The following SPECC1L variants were observed in gnomAD, a reference collection of about 807,000 sequenced individuals.
The protein encoded by SPECC1L is sperm antigen with calponin homology and coiled-coil domains 1 like, also known as cytospin-A.
SPECC1L carries 40 observed loss-of-function variants against 116.8 expected under a neutral mutation model. That is an observed-to-expected ratio of 0.34 (90% CI 0.27 to 0.45). SPECC1L has a LOEUF of 0.45. SPECC1L is among the 20% of genes least tolerant of loss of function. The pLI is 1.00. For missense variants in SPECC1L, 1,110 were observed against 1,373.6 expected, an observed-to-expected ratio of 0.81 and a Z score of 3.03; for synonymous variants, 504 against 500.6, an observed-to-expected ratio of 1.01 and a Z score of -0.09.
At chr22:24,329,526 G>A (rs1292804180) in intron 7 of SPECC1L, among the ~76,000 whole-genome samples, 1 of 152,212 alleles carries the variant, frequency 6.6e-6, no homozygotes, top group African/African-American at 2.4e-5. Flanking sequence ...AAGCTACTCA[G>A]TCGTTTGGGT....
intron 2 of SPECC1L, among the ~76,000 whole-genome samples, chr22:24,297,318 G>A (rs28491244): frequency 4.0e-5 from 6 of 151,356 alleles, no homozygotes; most frequent in East Asian, 1.9e-4. Flanking sequence ...TACATAAAGG[G>A]TTTTTTTAAA....
intron 14 of SPECC1L, among the ~76,000 whole-genome samples, chr22:24,400,073 A>T (rs2042443480): frequency 6.6e-6 from 1 of 152,162 alleles, no homozygotes; most frequent in Non-Finnish European, 1.5e-5. Context: ...AGCCTCTTTT[A>T]TTTGAGTAAA....
intron 2 of SPECC1L, among the ~76,000 whole-genome samples, chr22:24,281,963 A>G (rs1300508812): frequency 6.6e-6 from 1 of 152,236 alleles, no homozygotes; most frequent in Non-Finnish European, 1.5e-5. Context: ...TGATTACTCA[A>G]ATCAGTCTCC....
intron 14 of SPECC1L, among the ~76,000 whole-genome samples, chr22:24,381,680 C>A (rs539099359): frequency 6.6e-6 from 1 of 151,964 alleles, no homozygotes; most frequent in East Asian, 1.9e-4. Context: ...ATCAGGAGAT[C>A]GAGACCATCC....
At chr22:24,348,699 A>G (rs979525595) in intron 11 of SPECC1L, among the ~76,000 whole-genome samples, 1 of 152,186 alleles carries the variant, frequency 6.6e-6, no homozygotes, top group Admixed American at 6.5e-5. Flanking sequence ...CCCACAAAGG[A>G]TTTACATAGG....
chr22:24,315,695 A>C (rs974659998), intron 4 of SPECC1L, among the ~76,000 whole-genome samples: 15 of 152,254 alleles, frequency 9.9e-5, no homozygotes, highest in Admixed American at 3.3e-4. Context: ...TAGCTGCCCC[A>C]GTATGGCTTT....
intron 11 of SPECC1L, among the ~76,000 whole-genome samples, chr22:24,351,951 T>C (rs1237568304): frequency 6.6e-6 from 1 of 151,878 alleles, no homozygotes; most frequent in Non-Finnish European, 1.5e-5. Context: ...ATTGCGCCAC[T>C]GCACTCCAGC....
At position 24,322,156 on chromosome 22, in the gene SPECC1L, C is replaced by T. The variant is rs757163782; in HGVS notation, c.1176C>T (p.Ser392=). The change falls in exon 5 of 17, where the codon TCC becomes TCT. Residue 392 remains serine, a synonymous_variant. Transcript: ENST00000314328. ...GCAGCGGGAATGCCAGTGAAGTGTC[C>T]GTGGCTTGCCTGACTGAACGGATAC... The part of the protein sequence containing the change: ...KGSSGNASEV[S]VACLTERIHQ... The T allele has an allele frequency of 5.6e-6, 9 of 1,613,718 alleles. No individual in the cohort carries two copies. Among genetic ancestry groups the T allele is most frequent in the South Asian group, 1.1e-5 (1 of 91,072 alleles).
At chr22:24,401,464 T>G (rs2146779293) in intron 14 of SPECC1L, among the ~76,000 whole-genome samples, 1 of 152,388 alleles carries the variant, frequency 6.6e-6, no homozygotes, top group East Asian at 1.9e-4. Context: ...CTGCCTCTGA[T>G]AACGAGGTCA....
At chr22:24,347,480 A>G (rs535751414) in intron 11 of SPECC1L, among the ~76,000 whole-genome samples, 1 of 152,316 alleles carries the variant, frequency 6.6e-6, no homozygotes, top group African/African-American at 2.4e-5. Flanking sequence ...AGATACCAAA[A>G]ATGAGGCTTA....
chr22:24,414,147 CAG>C (rs1223491790), intron 16 of SPECC1L, among the ~76,000 whole-genome samples: 1 of 152,214 alleles, frequency 6.6e-6, no homozygotes, highest in Non-Finnish European at 1.5e-5. Context: ...GAGCCCCCGA[CAG>C]AGAGAAATTC....
intron 1 of SPECC1L, among the ~76,000 whole-genome samples, chr22:24,274,625 T>C (rs976516525): frequency 7.9e-5 from 12 of 152,232 alleles, no homozygotes; most frequent in Non-Finnish European, 1.6e-4. Flanking sequence ...AACAGTGTTT[T>C]TCCTGATCTT....
chr22:24,371,682 G>A (rs552534568), intron 14 of SPECC1L, among the ~76,000 whole-genome samples: 4 of 152,306 alleles, frequency 2.6e-5, no homozygotes, highest in South Asian at 2.1e-4. Context: ...GGGAGGCAGC[G>A]AAAGCAGTTC....
intron 14 of SPECC1L, among the ~76,000 whole-genome samples, chr22:24,386,864 A>G (rs1381249760): frequency 6.6e-6 from 1 of 152,114 alleles, no homozygotes; most frequent in East Asian, 1.9e-4. Context: ...TCGGCCTCCT[A>G]AAGTGCTGGG....
intron 11 of SPECC1L, among the ~76,000 whole-genome samples, chr22:24,355,389 T>G (rs942419675): frequency 6.6e-6 from 1 of 151,894 alleles, no homozygotes; most frequent in Admixed American, 6.6e-5. Context: ...ACTAGGGAAA[T>G]TGTATGTATA....
chr22:24,271,228 C>T (rs1181243813), intron 1 of SPECC1L, among the ~76,000 whole-genome samples: 2 of 152,160 alleles, frequency 1.3e-5, no homozygotes, highest in Non-Finnish European at 2.9e-5. Context: ...ACCCACTGGC[C>T]TTCGTCCGTT....
chr22:24,284,402 GTAATT>G (rs1569403225), intron 2 of SPECC1L, among the ~76,000 whole-genome samples: 1 of 151,910 alleles, frequency 6.6e-6, no homozygotes, highest in African/African-American at 2.4e-5. Context: ...CCATTATTTT[GTAATT>G]TAATTAATAG....
At chr22:24,394,987 C>T (rs2042339600) in intron 14 of SPECC1L, among the ~76,000 whole-genome samples, 1 of 152,062 alleles carries the variant, frequency 6.6e-6, no homozygotes, top group Non-Finnish European at 1.5e-5. Flanking sequence ...TGCACAACCA[C>T]ACCTGGCTAA....
In SPECC1L at chr22:24,411,550, G is replaced by T. The variant is rs776613657; in HGVS notation, c.3088-38G>T. ...CTTGGCATCTCCTAAGAGGGTCCCA[G>T]CATGTGTTGGTTACATGTTTTTCTT... On this transcript the variant is annotated intron_variant, in intron 14 of 16. Coordinates refer to ENST00000314328, the MANE Select transcript of SPECC1L (RefSeq NM_015330.6). 4.4e-6 allele frequency: 7 copies of T among 1,576,470 alleles called. No individual in the cohort carries two copies. In the Admixed American group the frequency reaches 1.0e-4, roughly 23 times the overall value.
Sources: allele counts gnomAD v4.1 joint callset (sites outside exome capture counted in the v4.1 genomes callset), GRCh38; gene constraint gnomAD v4.1.1; transcripts MANE v1.5; gene names NCBI Gene and HGNC (gene_info 2026-07-23, HGNC 2026-07-21).